The following SLIT2 variants were observed in gnomAD, a reference collection of about 807,000 sequenced individuals.
SLIT2 encodes the protein slit homolog 2 protein.
Under a neutral mutation model 185.7 loss-of-function variants are expected in SLIT2, and 41 were observed. That is an observed-to-expected ratio of 0.22 (90% confidence interval 0.17 to 0.29). SLIT2 has a LOEUF of 0.29. Among genes scored for constraint, SLIT2 ranks in the 10% least tolerant of loss-of-function variants. The pLI, the probability that SLIT2 is intolerant of heterozygous loss-of-function variation, is 1.00. For missense variants in SLIT2, 1,571 were observed against 1,909.0 expected, an observed-to-expected ratio of 0.82 and a Z score of 3.30; for synonymous variants, 693 against 680.2, an observed-to-expected ratio of 1.02 and a Z score of -0.29.
At chr4:20,310,087 G>C (rs1334914475) in intron 4 of SLIT2, among the ~76,000 whole-genome samples, 13 of 152,010 alleles carry the variant, frequency 8.6e-5, no homozygotes, top group Non-Finnish European at 1.8e-4. Flanking sequence ...AGATCTGGTG[G>C]TTCTATCTTC....
At chr4:20,596,684 A>T in intron 32 of SLIT2, 29 bp downstream of exon 32, 4 of 1,590,778 alleles carry the variant, frequency 2.5e-6, no homozygotes, top group Non-Finnish European at 3.4e-6. Flanking sequence ...TGGAGAGATG[A>T]TCGGATCTTA....
rs144327944 is a variant in SLIT2 at position 20,571,466 on chromosome 4, G to C, written c.3088+2462G>C. Among the ~76,000 whole-genome samples the C allele has an allele frequency of 2.8e-3, 425 of 152,210 alleles. 3 individuals are homozygous for C. Among genetic ancestry groups the C allele is most frequent in the African/African-American group, 9.6e-3 (398 of 41,558 alleles). On this transcript the variant is annotated intron_variant, in intron 29 of 36. Coordinates refer to ENST00000504154, the MANE Select transcript of SLIT2 (RefSeq NM_004787.4). ...AATTGTAGTATTTTTGTGCACACAT[G>C]AAATGAGCTCATTTACAAAATTTCT...
intron 4 of SLIT2, among the ~76,000 whole-genome samples, chr4:20,360,741 C>T (rs1722671845): frequency 6.6e-6 from 1 of 152,032 alleles, no homozygotes; most frequent in African/African-American, 2.4e-5. Context: ...AAAAACTGTG[C>T]ATGGTACATA....
At chr4:20,590,867 G>A (rs1373203192) in intron 30 of SLIT2, among the ~76,000 whole-genome samples, 1 of 152,172 alleles carries the variant, frequency 6.6e-6, no homozygotes, top group East Asian at 1.9e-4. Flanking sequence ...TTATTTATTG[G>A]CAGAGCTAGA....
At chr4:20,518,557 G>GTT in intron 11 of SLIT2, among the ~76,000 whole-genome samples, 1 of 17,848 alleles carries the variant, frequency 5.6e-5, no homozygotes, top group South Asian at 2.7e-3. Flanking sequence ...CAGCCTATAT[G>GTT]TATATATATA....
chr4:20,289,849 C>G (rs543003860), intron 4 of SLIT2, among the ~76,000 whole-genome samples: 1 of 152,298 alleles, frequency 6.6e-6, no homozygotes, highest in East Asian at 1.9e-4. Context: ...TTGTGACATT[C>G]TAGTTAAGAT....
chr4:20,474,623 G>T (rs974747181), intron 5 of SLIT2, among the ~76,000 whole-genome samples: 5 of 151,956 alleles, frequency 3.3e-5, no homozygotes, highest in Non-Finnish European at 5.9e-5. Context: ...GCATAATCAT[G>T]CCATGGCTGC....
At chr4:20,598,488 C>A in intron 33 of SLIT2, 93 bp downstream of exon 33, 5 of 1,456,574 alleles carry the variant, frequency 3.4e-6, no homozygotes, top group Non-Finnish European at 4.7e-6. Context: ...AGGAGAGAGA[C>A]TAAGTTGGCC....
intron 26 of SLIT2, among the ~76,000 whole-genome samples, chr4:20,559,864 G>T (rs558130650): frequency 6.6e-6 from 1 of 151,828 alleles, no homozygotes; most frequent in Non-Finnish European, 1.5e-5. Context: ...AAATAAGATT[G>T]CCACCCTATT....
At chr4:20,358,484 G>T (rs1464189226) in intron 4 of SLIT2, among the ~76,000 whole-genome samples, 1 of 152,040 alleles carries the variant, frequency 6.6e-6, no homozygotes, top group Non-Finnish European at 1.5e-5. Context: ...GGTAGGTAGA[G>T]TATCACGATA....
Position 20,416,752 on chromosome 4 carries a change from A to T in SLIT2, c.396-51000A>T, listed in dbSNP as rs570968289. On this transcript the variant is annotated intron_variant, in intron 4 of 36. Coordinates refer to ENST00000504154, the MANE Select transcript of SLIT2 (RefSeq NM_004787.4). ...ATTAAGAAATTTAAGAATGAGCTAAATTGTTCTCACAAAAAGAGGAAAACT... is the reference window on the plus strand; with the variant it reads ...ATTAAGAAATTTAAGAATGAGCTAATTTGTTCTCACAAAAAGAGGAAAACT... Among the ~76,000 whole-genome samples, 7 of 152,332 alleles carry T rather than the reference A, an allele frequency of 4.6e-5. No individual in the cohort carries two copies. The South Asian group carries it at 1.4e-3, about 32-fold the overall frequency.
intron 11 of SLIT2, among the ~76,000 whole-genome samples, chr4:20,518,964 A>T (rs959793141): frequency 2.0e-5 from 3 of 152,030 alleles, no homozygotes; most frequent in Non-Finnish European, 4.4e-5. Flanking sequence ...TTTTTTACTT[A>T]ATGTTGTATC....
chr4:20,538,485 A>T (rs1344019112), intron 18 of SLIT2, among the ~76,000 whole-genome samples: 1 of 152,228 alleles, frequency 6.6e-6, no homozygotes, highest in Non-Finnish European at 1.5e-5. Context: ...GCAACCTAGA[A>T]TTTTAAAGTG....
chr4:20,346,817 A>G (rs1261955090), intron 4 of SLIT2, among the ~76,000 whole-genome samples: 1 of 152,196 alleles, frequency 6.6e-6, no homozygotes, highest in African/African-American at 2.4e-5. Flanking sequence ...ATTCGAGGGC[A>G]GGAAGCATCC....
chr4:20,557,518 G>A (rs955537145), intron 26 of SLIT2, among the ~76,000 whole-genome samples: 1 of 151,962 alleles, frequency 6.6e-6, no homozygotes, highest in African/African-American at 2.4e-5. Flanking sequence ...CTTGAGACTT[G>A]TTGCTCAGAA....
intron 18 of SLIT2, among the ~76,000 whole-genome samples, chr4:20,537,567 C>T (rs1438682793): frequency 6.6e-6 from 1 of 152,162 alleles, no homozygotes; most frequent in Non-Finnish European, 1.5e-5. Context: ...CTAAATTCCA[C>T]TTTCTCCTTT....
intron 4 of SLIT2, among the ~76,000 whole-genome samples, chr4:20,382,023 A>T (rs1464303321): frequency 6.6e-6 from 1 of 152,124 alleles, no homozygotes; most frequent in Non-Finnish European, 1.5e-5. Context: ...ATAAATAAAA[A>T]ATGTGATACA....
intron 1 of SLIT2, chr4:20,255,040 C>G (rs537603367): frequency 1.5e-5 from 7 of 456,312 alleles, no homozygotes; most frequent in African/African-American, 1.4e-4. Flanking sequence ...TTGTGAACGC[C>G]GAGGCCGCCG....
In SLIT2 at chr4:20,252,923, C is replaced by A. The variant is rs966497489; in HGVS notation, c.-893C>A. Among the ~76,000 whole-genome samples, 5 of 152,224 alleles carry A rather than the reference C, an allele frequency of 3.3e-5. No individual in the cohort carries two copies. Among genetic ancestry groups the A allele is most frequent in the African/African-American group, 9.6e-5 (4 of 41,474 alleles). On this transcript the variant is annotated 5_prime_UTR_variant, in exon 1 of 37. Transcript: ENST00000504154. ...CAGCAGCTCTCATCCTCCACTTGGC[C>A]TCTTGGAGTTCCTCGCCGGAGTGCT...
Sources: gnomAD v4.1 joint callset for allele counts (sites outside exome capture counted in the v4.1 genomes callset) on GRCh38, gnomAD v4.1.1 for gene constraint, MANE v1.5 for transcripts, NCBI Gene and HGNC (gene_info 2026-07-23, HGNC 2026-07-21) for gene names.